DCC: variants seen among roughly 807,000 people sequenced by gnomAD.
DCC encodes the protein netrin receptor DCC.
In DCC, 58 loss-of-function variants were observed where a neutral mutation model predicts 172.5. That is an observed-to-expected ratio of 0.34 (90% confidence interval 0.27 to 0.42). The LOEUF (loss-of-function observed/expected upper bound fraction) is 0.42, where lower values mean the gene tolerates loss of function less well. DCC is among the 10% of genes least tolerant of loss of function. The pLI is 1.00. For missense variants in DCC, 1,740 were observed against 1,791.0 expected, an observed-to-expected ratio of 0.97 and a Z score of 0.51; for synonymous variants, 709 against 644.5, an observed-to-expected ratio of 1.10 and a Z score of -1.52.
chr18:53,084,268 C>A (rs2042848127), intron 7 of DCC, among the ~76,000 whole-genome samples: 1 of 152,068 alleles, frequency 6.6e-6, no homozygotes, highest in African/African-American at 2.4e-5. Context: ...CCTATAATAA[C>A]CCATTAATCC....
At chr18:53,312,539 A>T (rs1394706223) in intron 13 of DCC, among the ~76,000 whole-genome samples, 1 of 141,100 alleles carries the variant, frequency 7.1e-6, no homozygotes, top group African/African-American at 2.6e-5. Flanking sequence ...CAAAAAAAAA[A>T]GCTTTTAATT....
chr18:52,585,219 A>G (rs918831296), intron 1 of DCC, among the ~76,000 whole-genome samples: 10 of 152,212 alleles, frequency 6.6e-5, no homozygotes, highest in African/African-American at 2.4e-4. Flanking sequence ...TTCTTTGGGA[A>G]GACAGTCGAA....
At chr18:53,171,573 A>T (rs1404838540) in intron 8 of DCC, among the ~76,000 whole-genome samples, 1 of 152,184 alleles carries the variant, frequency 6.6e-6, no homozygotes, top group African/African-American at 2.4e-5. Context: ...GCTAATGAAG[A>T]TTATTAAATC....
chr18:52,787,038 C>T (rs965264703), intron 2 of DCC, among the ~76,000 whole-genome samples: 3 of 152,002 alleles, frequency 2.0e-5, no homozygotes, highest in Admixed American at 6.6e-5. Flanking sequence ...GAAACATGCT[C>T]CAAATTTTGT....
chr18:53,467,912 C>A lies in DCC; in HGVS notation c.3638C>A (p.Ala1213Glu). ...TSHSGQDTEEAGSSMSTLERS... is the reference protein window; with the variant it reads ...TSHSGQDTEEEGSSMSTLERS... ...TTTTTAGGTCAAGACACTGAGGAAG[C>A]AGGGAGCTCTATGTCCACTCTGGAG... The change falls in exon 25 of 29, where the codon GCA (alanine) becomes GAA (glutamate). Residue 1213 changes from alanine to glutamate, a missense_variant. Physicochemically the swap from Ala to Glu is moderately radical, Grantham distance 107. Around this residue, in one of 2 missense-constraint regions of DCC, gnomAD observed 1,732 missense variants for 1,767.4 expected, o/e 0.98. Coordinates refer to ENST00000442544, the MANE Select transcript of DCC (RefSeq NM_005215.4). The A allele has an allele frequency of 2.5e-6, 4 of 1,604,188 alleles. No individual in the cohort carries two copies.
At chr18:53,523,454 C>A (rs2046422420) in intron 27 of DCC, among the ~76,000 whole-genome samples, 1 of 152,160 alleles carries the variant, frequency 6.6e-6, no homozygotes, top group Non-Finnish European at 1.5e-5. Flanking sequence ...AAGACACAAG[C>A]ACACGTATGT....
rs11315976 is a variant in DCC at position 52,953,000 on chromosome 18, CAAAAAAA to C, written c.985+27652_985+27658del. Among the ~76,000 whole-genome samples the C allele has an allele frequency of 1.6e-3, 81 of 52,224 alleles. 1 individual carries two copies. Among genetic ancestry groups the C allele is most frequent in the African/African-American group, 5.7e-3 (70 of 12,264 alleles). 34.3% of individuals were successfully genotyped at this position (52,224 alleles called of 152,430 possible). On this transcript the variant is annotated intron_variant, in intron 5 of 28. Transcript: ENST00000442544. ...GCACCACAGTAAGACTCTCCTGTCTCAAAAAAAAAAAAAAAAAAAAAAAAAAAACTCA... is the reference window on the plus strand; with the variant it reads ...GCACCACAGTAAGACTCTCCTGTCTCAAAAAAAAAAAAAAAAAAAAACTCA...
chr18:52,772,422 A>G (rs2037360235), intron 2 of DCC, among the ~76,000 whole-genome samples: 2 of 152,174 alleles, frequency 1.3e-5, no homozygotes, highest in Non-Finnish European at 2.9e-5. Context: ...AAGTGATGTG[A>G]TGATTTGTAT....
At chr18:52,375,436 T>G (rs1985307436) in intron 1 of DCC, among the ~76,000 whole-genome samples, 1 of 152,250 alleles carries the variant, frequency 6.6e-6, no homozygotes. Context: ...CTGGTTTAGC[T>G]CTTTGGAGAC....
chr18:53,466,009 C>A (rs1412133965), intron 24 of DCC, among the ~76,000 whole-genome samples: 1 of 152,088 alleles, frequency 6.6e-6, no homozygotes, highest in Non-Finnish European at 1.5e-5. Context: ...CATGATCCGC[C>A]CACCTCAGCC....
intron 2 of DCC, among the ~76,000 whole-genome samples, chr18:52,900,427 C>A (rs1051772416): frequency 6.6e-6 from 1 of 152,200 alleles, no homozygotes; most frequent in African/African-American, 2.4e-5. Context: ...TTCTCTATGG[C>A]AGTCTCATAA....
intron 5 of DCC, among the ~76,000 whole-genome samples, chr18:52,973,826 C>T (rs145649376): frequency 2.0e-3 from 308 of 152,206 alleles, no homozygotes; most frequent in African/African-American, 7.2e-3. Flanking sequence ...AACACATTTT[C>T]ACTGGAGGCT....
chr18:52,588,978 C>G (rs949316472), intron 1 of DCC, among the ~76,000 whole-genome samples: 1 of 151,990 alleles, frequency 6.6e-6, no homozygotes, highest in African/African-American at 2.4e-5. Flanking sequence ...GGTAATTTAA[C>G]CCAGTAATAC....
chr18:53,355,778 G>A lies in DCC; in HGVS notation c.2359+15871G>A, dbSNP rs144275905. On this transcript the variant is annotated intron_variant, in intron 15 of 28. Coordinates refer to ENST00000442544, the MANE Select transcript of DCC (RefSeq NM_005215.4). ...ACCCTTTATTTCTTTCTCCTGCCTG[G>A]CACTCGTTCTTATTTTTGTACCACT... Among the ~76,000 whole-genome samples, 428 of 151,696 alleles carry A rather than the reference G, an allele frequency of 2.8e-3. 5 individuals are homozygous for A. Among genetic ancestry groups the A allele is most frequent in the African/African-American group, 9.8e-3 (406 of 41,442 alleles).
intron 7 of DCC, among the ~76,000 whole-genome samples, chr18:53,118,714 C>G (rs2043441518): frequency 6.6e-6 from 1 of 151,648 alleles, no homozygotes; most frequent in Non-Finnish European, 1.5e-5. Flanking sequence ...CGAAACCCCA[C>G]AATAGTTATG....
intron 27 of DCC, among the ~76,000 whole-genome samples, chr18:53,511,899 G>A (rs997324648): frequency 3.3e-5 from 5 of 152,212 alleles, no homozygotes; most frequent in African/African-American, 1.2e-4. Context: ...AGGGGCGCCC[G>A]CCATTGCCCA....
chr18:53,188,617 G>T (rs2055321230), intron 9 of DCC, among the ~76,000 whole-genome samples: 1 of 152,134 alleles, frequency 6.6e-6, no homozygotes, highest in African/African-American at 2.4e-5. Context: ...ACCCATTTGG[G>T]TGTTGCATTA....
chr18:52,638,074 A>G (rs1164819222), intron 1 of DCC, among the ~76,000 whole-genome samples: 1 of 152,216 alleles, frequency 6.6e-6, no homozygotes, highest in African/African-American at 2.4e-5. Context: ...ACTAAGCATC[A>G]TATATGAAGG....
intron 1 of DCC, among the ~76,000 whole-genome samples, chr18:52,590,181 G>A (rs372921948): frequency 8.2e-6 from 1 of 122,074 alleles, no homozygotes; most frequent in African/African-American, 2.9e-5. Context: ...GTGTGTGTGT[G>A]TATGCAATTA....
Sources: allele counts gnomAD v4.1 joint callset (sites outside exome capture counted in the v4.1 genomes callset), GRCh38; gene constraint gnomAD v4.1.1; regional missense constraint gnomAD v4.1.1; transcripts MANE v1.5; gene names NCBI Gene and HGNC (gene_info 2026-07-23, HGNC 2026-07-21).